Variants in NDST1 observed in about 807,000 individuals in gnomAD.
NDST1 encodes bifunctional heparan sulfate N-deacetylase/N-sulfotransferase 1.
NDST1 carries 35 observed loss-of-function variants against 92.8 expected under a neutral mutation model. That is an observed-to-expected ratio of 0.38 (90% CI 0.29 to 0.50). The LOEUF (loss-of-function observed/expected upper bound fraction) is 0.50, where lower values mean the gene tolerates loss of function less well. Among genes scored for constraint, NDST1 ranks in the 20% least tolerant of loss-of-function variants. The pLI, the probability that NDST1 is intolerant of heterozygous loss-of-function variation, is 0.94. For missense variants in NDST1, 822 were observed against 1,182.7 expected (o/e 0.69, Z 4.47); for synonymous variants, 493 against 500.3 (o/e 0.99, Z 0.19).
At chr5:150,541,180 G>A (rs1755230886) in intron 8 of NDST1, among the ~76,000 whole-genome samples, 1 of 152,210 alleles carries the variant, frequency 6.6e-6, no homozygotes, top group South Asian at 2.1e-4. Flanking sequence ...ATGCTATGAC[G>A]GCAGAGTCGA....
Position 150,535,682 on chromosome 5 carries a change from T to C in NDST1, c.1252-18T>C, listed in dbSNP as rs1754954791. 3 of 1,614,110 alleles carry C rather than the reference T, an allele frequency of 1.9e-6. No homozygotes were observed. The highest frequency in any genetic ancestry group is 2.5e-6 in the Non-Finnish European group (3 of 1,179,998). On this transcript the variant is annotated intron_variant, in intron 5 of 14. Transcript: ENST00000261797. ...AAGGACCCCTATGCTCACCCTGGCC[T>C]GGTCATCCTCTCCCTAGGAGCATGG...
At chr5:150,528,651 C>G (rs1057217264) in intron 3 of NDST1, among the ~76,000 whole-genome samples, 7 of 152,078 alleles carry the variant, frequency 4.6e-5, no homozygotes, top group African/African-American at 1.7e-4. Flanking sequence ...AAAAATTAGC[C>G]AGGTGTGGTG....
In NDST1 at chr5:150,553,547, C is replaced by T. The variant is rs1755807376; in HGVS notation, c.*215C>T. On this transcript the variant is annotated 3_prime_UTR_variant, in exon 15 of 15. Coordinates refer to ENST00000261797, the MANE Select transcript of NDST1 (RefSeq NM_001543.5). This position sits in a 1 kb window ranked among gnomAD's most constrained non-coding sequence, Gnocchi z 4.2. ...GGTCTGCGGCCTAAGGGACCTCCCT[C>T]GCCAGCAGAGGTCCATTCCGTTCCC... is the stretch of plus-strand genomic sequence containing the variant. 6.7e-6 allele frequency: 4 copies of T among 598,832 alleles called. No homozygotes were observed. The highest frequency in any genetic ancestry group is 1.7e-5 in the South Asian group (1 of 60,390). 37.1% of individuals were successfully genotyped at this position (598,832 alleles called of 1,614,324 possible).
Position 150,521,753 on chromosome 5 carries a change from A to G in NDST1, c.499A>G (p.Ile167Val), listed in dbSNP as rs1581366675. Residue 167 changes from isoleucine (I) to valine (V), a missense_variant, in exon 2 of 15, where the codon ATT becomes GTT. Ile to Val is a conservative substitution (Grantham distance 29). Transcript: ENST00000261797. This position sits in a 1 kb window ranked among gnomAD's most constrained non-coding sequence, Gnocchi z 5.9. ...KYCVAYGVGI[I>V]GFFKANENSL... ...CTGTGTGGCCTACGGCGTGGGCATCATTGGCTTCTTCAAGGTACACAAGAA... is the reference window on the plus strand; with the variant it reads ...CTGTGTGGCCTACGGCGTGGGCATCGTTGGCTTCTTCAAGGTACACAAGAA... The G allele has an allele frequency of 2.5e-6, 4 of 1,613,680 alleles. No homozygotes were observed. Among genetic ancestry groups the G allele is most frequent in the Non-Finnish European group, 3.4e-6 (4 of 1,180,032 alleles).
intron 11 of NDST1, among the ~76,000 whole-genome samples, chr5:150,546,985 C>T (rs1044200342): frequency 2.6e-5 from 4 of 152,158 alleles, no homozygotes; most frequent in Non-Finnish European, 4.4e-5. Flanking sequence ...CATGGGGGAA[C>T]GTAGGGTAGA....
rs538436154 is a variant in NDST1 at position 150,553,840 on chromosome 5, G to A, written c.*508G>A. ...GGTCCCCGGAGTCAGTCCTAGGCTG[G>A]ATGGGAGGGTGGCCCCCTCAAGAGG... On this transcript the variant is annotated 3_prime_UTR_variant, in exon 15 of 15. Coordinates refer to ENST00000261797, the MANE Select transcript of NDST1 (RefSeq NM_001543.5). This position sits in a 1 kb window ranked among gnomAD's most constrained non-coding sequence, Gnocchi z 4.2. 63 of 435,078 alleles carry A rather than the reference G, an allele frequency of 1.4e-4. No homozygotes were observed. In the East Asian group the frequency reaches 2.0e-3, roughly 14 times the overall value. 27.0% of individuals were successfully genotyped at this position (435,078 alleles called of 1,614,324 possible). A position where few individuals can be genotyped will look rare whatever the true frequency, so the allele number is the denominator to read the frequency against.
At chr5:150,538,535 A>C (rs1755094706) in intron 6 of NDST1, among the ~76,000 whole-genome samples, 1 of 152,148 alleles carries the variant, frequency 6.6e-6, no homozygotes, top group African/African-American at 2.4e-5. Context: ...TAGATGAGTT[A>C]GATATAGGGT....
chr5:150,537,617 G>C (rs1417920424), intron 6 of NDST1, among the ~76,000 whole-genome samples: 1 of 152,178 alleles, frequency 6.6e-6, no homozygotes, highest in Non-Finnish European at 1.5e-5. Context: ...ATGTGTGCCC[G>C]AAACTTCATT....
chr5:150,499,023 A>C (rs2151231427), intron 1 of NDST1, among the ~76,000 whole-genome samples: 1 of 152,250 alleles, frequency 6.6e-6, no homozygotes, highest in Non-Finnish European at 1.5e-5. Flanking sequence ...AGCCTTCTCC[A>C]TCCTTGCAGC....
rs188813839 is a variant in NDST1 at position 150,514,089 on chromosome 5, A to T, written c.-388+5863A>T. Among the ~76,000 whole-genome samples, 1,367 of 152,118 alleles carry T rather than the reference A, an allele frequency of 9.0e-3. 18 individuals carry two copies. The highest frequency in any genetic ancestry group is 0.031 in the African/African-American group (1,306 of 41,498). ...TGAGGTTCCCCTCATGCCCCTGCCT[A>T]CCCCAAGCCAAGGTTCCTCTGCAGG... is the stretch of plus-strand genomic sequence containing the variant. On this transcript the variant is annotated intron_variant, in intron 1 of 14. Coordinates refer to ENST00000261797, the MANE Select transcript of NDST1 (RefSeq NM_001543.5).
chr5:150,541,515 A>C (rs1375508454), intron 8 of NDST1, 55 bp from the exon 9 acceptor site: 1 of 1,441,424 alleles, frequency 6.9e-7, no homozygotes, highest in Non-Finnish European at 9.8e-7. Flanking sequence ...GTGCAGTGGG[A>C]GTCCACTGAC....
At position 150,540,197 on chromosome 5, in the gene NDST1, T is replaced by C; in HGVS notation, c.1682T>C (p.Leu561Pro). The change falls in exon 8 of 15, where the codon CTG (leucine) becomes CCG (proline). Residue 561 changes from leucine to proline, a missense_variant. By Grantham distance (98) the Leu-to-Pro change is moderately conservative (BLOSUM62 -3). Transcript: ENST00000261797. ...TGGACGAACCTCCGGCTGCAGACACTGCCCCCTGTGCAGTTGGCGCAGAAG... is the reference window on the plus strand; with the variant it reads ...TGGACGAACCTCCGGCTGCAGACACCGCCCCCTGTGCAGTTGGCGCAGAAG... Reference protein sequence around the residue: ...HSWTNLRLQTLPPVQLAQKYF... With the variant: ...HSWTNLRLQTPPPVQLAQKYF... The C allele has an allele frequency of 6.2e-7, 1 of 1,614,180 alleles. No homozygotes were observed. The highest frequency in any genetic ancestry group is 8.5e-7 in the Non-Finnish European group (1 of 1,180,008).
chr5:150,532,140 A>G (rs1754771166), intron 3 of NDST1, among the ~76,000 whole-genome samples: 1 of 152,142 alleles, frequency 6.6e-6, no homozygotes, highest in Non-Finnish European at 1.5e-5. Flanking sequence ...CTTTTTTACA[A>G]TTGTTTAATC....
At chr5:150,504,808 C>A (rs997567972), upstream of NDST1, among the ~76,000 whole-genome samples, 30 of 152,200 alleles carry the variant, frequency 2.0e-4, no homozygotes, top group African/African-American at 7.0e-4. Flanking sequence ...GAGTACAACA[C>A]CTGGTACCAA....
rs777958202 is a variant in NDST1 at position 150,551,847 on chromosome 5, G to A, written c.2521G>A (p.Asp841Asn). 18 of 1,613,234 alleles carry A rather than the reference G, an allele frequency of 1.1e-5. No homozygotes were observed. The highest frequency in any genetic ancestry group is 1.5e-5 in the Non-Finnish European group (18 of 1,179,272). Residue 841 changes from aspartate (D) to asparagine (N), a missense_variant, in exon 14 of 15, where the codon GAC becomes AAC. Transcript: ENST00000261797. ...KSKGRKYPEM[D>N]LDSRAFLKDY... The stretch of plus-strand genomic sequence containing the variant: ...CAAGGGCCGGAAATATCCCGAGATG[G>A]ACTTGGATGTAAGTGGTGGACACAC...
intron 10 of NDST1, among the ~76,000 whole-genome samples, chr5:150,545,053 G>C (rs1755421269): frequency 6.6e-6 from 1 of 152,166 alleles, no homozygotes; most frequent in Non-Finnish European, 1.5e-5. Flanking sequence ...ACCTGCAACT[G>C]CCGGCGCACC....
At chr5:150,517,995 A>T (rs1244581891) in intron 1 of NDST1, among the ~76,000 whole-genome samples, 1 of 152,200 alleles carries the variant, frequency 6.6e-6, no homozygotes, top group Admixed American at 6.5e-5. Flanking sequence ...TATCAATGGT[A>T]AATGGGACAC....
Position 150,553,851 on chromosome 5 carries a change from G to T in NDST1, c.*519G>T. The T allele has an allele frequency of 2.3e-6, 1 of 432,892 alleles. No individual in the cohort carries two copies. The highest frequency in any genetic ancestry group is 4.1e-6 in the Non-Finnish European group (1 of 244,970). 26.8% of individuals were successfully genotyped at this position (432,892 alleles called of 1,614,324 possible). ...TCAGTCCTAGGCTGGATGGGAGGGT[G>T]GCCCCCTCAAGAGGACTCCCAGCCT... On this transcript the variant is annotated 3_prime_UTR_variant, in exon 15 of 15. Transcript: ENST00000261797. This position sits in a 1 kb window ranked among gnomAD's most constrained non-coding sequence, Gnocchi z 4.2.
At chr5:150,501,029 G>C (rs143906468) in intron 1 of NDST1, among the ~76,000 whole-genome samples, 2 of 152,174 alleles carry the variant, frequency 1.3e-5, no homozygotes, top group Non-Finnish European at 2.9e-5. Context: ...CAGCCACCCC[G>C]GAGGCATGAA....
Sources: gnomAD v4.1 joint callset for allele counts (sites outside exome capture counted in the v4.1 genomes callset) on GRCh38, gnomAD v4.1.1 for gene constraint, Gnocchi (gnomAD v3.1) non-coding constraint, MANE v1.5 for transcripts, NCBI Gene and HGNC (gene_info 2026-07-23, HGNC 2026-07-21) for gene names.